SLC9A8: variants seen among roughly 807,000 people sequenced by gnomAD.
The protein encoded by SLC9A8 is solute carrier family 9 member A8.
Under a neutral mutation model 66.6 loss-of-function variants are expected in SLC9A8, and 48 were observed. The observed-to-expected ratio is 0.72, with a 90% confidence interval of 0.57 to 0.92. SLC9A8 has a LOEUF of 0.92. SLC9A8 is among the 40% of genes least tolerant of loss of function. SLC9A8 has a pLI of 0.00. For synonymous variants in SLC9A8, 274 were observed against 282.6 expected (o/e 0.97, Z 0.31); for missense variants, 599 against 747.3 (o/e 0.80, Z 2.31).
At chr20:49,871,702 A>G (rs999531947) in intron 10 of SLC9A8, among the ~76,000 whole-genome samples, 2 of 151,516 alleles carry the variant, frequency 1.3e-5, no homozygotes, top group African/African-American at 4.9e-5. Context: ...TTCGCCTAGA[A>G]CTCAAGGTGC....
At chr20:49,844,130 A>G (rs1323740722) in intron 4 of SLC9A8, among the ~76,000 whole-genome samples, 2 of 152,206 alleles carry the variant, frequency 1.3e-5, no homozygotes, top group African/African-American at 2.4e-5. Flanking sequence ...AGCCTCAGGT[A>G]TTCTTTTATA....
intron 14 of SLC9A8, 189 bp downstream of exon 14, chr20:49,884,255 A>ACACT (rs2089768618): frequency 3.6e-6 from 1 of 276,776 alleles, no homozygotes; most frequent in African/African-American, 4.6e-5. Context: ...ACACACACAC[A>ACACT]CACGACACAC....
intron 3 of SLC9A8, among the ~76,000 whole-genome samples, chr20:49,825,267 C>A (rs1391748570): frequency 2.0e-5 from 3 of 152,150 alleles, no homozygotes; most frequent in Non-Finnish European, 4.4e-5. Context: ...CATTTTTAGT[C>A]TAGGTTCTTT....
chr20:49,876,627 C>A (rs185369708), intron 11 of SLC9A8, among the ~76,000 whole-genome samples: 3 of 152,292 alleles, frequency 2.0e-5, no homozygotes, highest in East Asian at 3.9e-4. Context: ...TGTCAAATTT[C>A]TCTGCAAATA....
Position 49,872,760 on chromosome 20 carries a change from C to T in SLC9A8, c.959-1945C>T, listed in dbSNP as rs149104010. Among the ~76,000 whole-genome samples, 3,464 of 152,270 alleles carry T rather than the reference C, an allele frequency of 0.023. 381 individuals are homozygous for T. In the East Asian group the frequency reaches 0.35, roughly 15 times the overall value. On this transcript the variant is annotated intron_variant, in intron 10 of 15. Transcript: ENST00000361573. Reference sequence around the variant, plus strand: ...TCGGCCTCCCAAAGTGCTGGGATTACAGGCATGAGCCACCGCGCCCGGCCG... The same window carrying T: ...TCGGCCTCCCAAAGTGCTGGGATTATAGGCATGAGCCACCGCGCCCGGCCG...
intron 4 of SLC9A8, among the ~76,000 whole-genome samples, chr20:49,840,249 A>G (rs1029171343): frequency 6.6e-6 from 1 of 152,172 alleles, no homozygotes; most frequent in Non-Finnish European, 1.5e-5. Flanking sequence ...TGTGTTAAAG[A>G]GGTTATTAGA....
chr20:49,859,734 T>C (rs2088658413), intron 8 of SLC9A8, among the ~76,000 whole-genome samples: 1 of 152,194 alleles, frequency 6.6e-6, no homozygotes, highest in Non-Finnish European at 1.5e-5. Flanking sequence ...ATTTTCAGCT[T>C]TGATTTGTTG....
At chr20:49,862,883 G>T (rs961519148) in intron 8 of SLC9A8, 46 bp from the exon 9 acceptor site, 2 of 1,438,716 alleles carry the variant, frequency 1.4e-6, no homozygotes, top group Non-Finnish European at 1.9e-6. Flanking sequence ...TAAGAACTTT[G>T]TGTATATAAC....
intron 3 of SLC9A8, among the ~76,000 whole-genome samples, chr20:49,825,831 T>C (rs1397587012): frequency 1.3e-5 from 2 of 152,222 alleles, no homozygotes; most frequent in Admixed American, 6.5e-5. Context: ...TCTCTCCCTG[T>C]GGTACTCTGA....
intron 5 of SLC9A8, among the ~76,000 whole-genome samples, chr20:49,845,361 G>A (rs2087940173): frequency 6.6e-6 from 1 of 152,226 alleles, no homozygotes; most frequent in South Asian, 2.1e-4. Flanking sequence ...TGCCATAAAT[G>A]GGTGCTTTGC....
At position 49,836,809 on chromosome 20, in the gene SLC9A8, G is replaced by A. The variant is rs948935411; in HGVS notation, c.290-2732G>A. Among the ~76,000 whole-genome samples the A allele has an allele frequency of 3.9e-5, 6 of 152,086 alleles. No individual in the cohort carries two copies. The East Asian group carries it at 5.8e-4, about 15-fold the overall frequency. The stretch of plus-strand genomic sequence containing the variant: ...TTACATTCCCATCAGCAATGAGTGC[G>A]TGTTCCAATTTCTCTATATCCTTGC... On this transcript the variant is annotated intron_variant, in intron 3 of 15. Transcript: ENST00000361573.
intron 10 of SLC9A8, among the ~76,000 whole-genome samples, chr20:49,866,185 T>C (rs1002698627): frequency 2.6e-5 from 4 of 152,218 alleles, no homozygotes; most frequent in African/African-American, 9.7e-5. Flanking sequence ...AATGAAATCA[T>C]GTGGTACGTA....
chr20:49,846,135 G>A lies in SLC9A8; in HGVS notation c.432+1016G>A, dbSNP rs6122837. Reference sequence around the variant, plus strand: ...GTTACAGGCATGAGCCACCACACTCGTCCCCTAGTGTGAGTCTTTCTGCCT... The same window carrying A: ...GTTACAGGCATGAGCCACCACACTCATCCCCTAGTGTGAGTCTTTCTGCCT... On this transcript the variant is annotated intron_variant, in intron 5 of 15. Coordinates refer to ENST00000361573, the MANE Select transcript of SLC9A8 (RefSeq NM_015266.3). Among the ~76,000 whole-genome samples, 15 of 152,246 alleles carry A rather than the reference G, an allele frequency of 9.9e-5. No homozygotes were observed. In the East Asian group the frequency reaches 2.5e-3, roughly 25 times the overall value.
chr20:49,876,593 A>G (rs889519571), intron 11 of SLC9A8, among the ~76,000 whole-genome samples: 5 of 152,246 alleles, frequency 3.3e-5, no homozygotes, highest in East Asian at 1.9e-4. Flanking sequence ...AATTTTGACA[A>G]TTTGTCAAAT....
rs768845625 is a variant in SLC9A8, at chr20:49,880,954, A to G, written c.1189A>G (p.Ile397Val). The G allele has an allele frequency of 1.9e-6, 3 of 1,613,804 alleles. No homozygotes were observed. Among genetic ancestry groups the G allele is most frequent in the Non-Finnish European group, 2.5e-6 (3 of 1,179,724 alleles). The change falls in exon 13 of 16, where the codon ATT becomes GTT. Residue 397 changes from isoleucine to valine, a missense_variant. Ile to Val is a conservative substitution (Grantham distance 29). Transcript: ENST00000361573. ...VLVLFGRAVN[I>V]FPLSYLLNFF... ...TGTACTATTTGGCAGAGCGGTAAACATTTTCCCTCTTTCCTACCTCCTGAA... is the reference window on the plus strand; with the variant it reads ...TGTACTATTTGGCAGAGCGGTAAACGTTTTCCCTCTTTCCTACCTCCTGAA...
At chr20:49,882,440 G>A (rs984890227) in intron 13 of SLC9A8, among the ~76,000 whole-genome samples, 21 of 152,126 alleles carry the variant, frequency 1.4e-4, no homozygotes, top group African/African-American at 3.1e-4. Context: ...CTCCTTTGAC[G>A]TCTCCTTGGG....
chr20:49,813,624 C>G (rs1232948686), intron 1 of SLC9A8, among the ~76,000 whole-genome samples: 1 of 152,172 alleles, frequency 6.6e-6, no homozygotes, highest in African/African-American at 2.4e-5. Context: ...TGATTTTTCT[C>G]ACGTCTGCAG....
intron 10 of SLC9A8, among the ~76,000 whole-genome samples, chr20:49,866,438 C>G (rs2088971691): frequency 6.6e-6 from 1 of 152,134 alleles, no homozygotes; most frequent in Non-Finnish European, 1.5e-5. Context: ...TAGAAACTGC[C>G]TAGTGTTTTT....
In SLC9A8 at chr20:49,869,511, C is replaced by T. The variant is rs146102737; in HGVS notation, c.958+4667C>T. Among the ~76,000 whole-genome samples the T allele has an allele frequency of 1.6e-4, 24 of 151,102 alleles. No homozygotes were observed. The East Asian group carries it at 4.8e-3, about 30-fold the overall frequency. On this transcript the variant is annotated intron_variant, in intron 10 of 15. Transcript: ENST00000361573. ...TGCTGGGATTACAGGCGTGAGCCAC[C>T]GCGCCCGGCCAACATAACACTTTCT... is the stretch of plus-strand genomic sequence containing the variant.
Sources: gnomAD v4.1 joint callset for allele counts (sites outside exome capture counted in the v4.1 genomes callset) on GRCh38, gnomAD v4.1.1 for gene constraint, MANE v1.5 for transcripts, NCBI Gene and HGNC (gene_info 2026-07-23, HGNC 2026-07-21) for gene names.